Variants in METTL8 observed in about 807,000 individuals in gnomAD.
METTL8 encodes methyltransferase 8, tRNA N3-cytidine, also known as tRNA N(3)-cytidine methyltransferase METTL8, mitochondrial.
METTL8 carries 32 observed loss-of-function variants against 48.7 expected under a neutral mutation model. The ratio of observed to expected loss-of-function variants is 0.66; its 90% CI spans 0.50 to 0.88. The LOEUF (loss-of-function observed/expected upper bound fraction) is 0.88, where lower values mean the gene tolerates loss of function less well. Ranked by LOEUF, METTL8 falls within the 40% of genes least tolerant of loss-of-function variation. The pLI, the probability that METTL8 is intolerant of heterozygous loss-of-function variation, is 0.00. For synonymous variants in METTL8, 136 were observed against 157.1 expected, an observed-to-expected ratio of 0.87 and a Z score of 1.01; for missense variants, 464 against 474.4, an observed-to-expected ratio of 0.98 and a Z score of 0.20.
At chr2:171,382,848 G>A (rs1687700347) in intron 2 of METTL8, among the ~76,000 whole-genome samples, 1 of 152,140 alleles carries the variant, frequency 6.6e-6, no homozygotes, top group Non-Finnish European at 1.5e-5. Context: ...TGAGGTGGGT[G>A]GATCACCCGA....
At chr2:171,344,243 C>T (rs1056098718) in intron 3 of METTL8, among the ~76,000 whole-genome samples, 5 of 152,108 alleles carry the variant, frequency 3.3e-5, no homozygotes, top group Admixed American at 1.3e-4. Context: ...TTTATTATTC[C>T]AATTTGCAGA....
chr2:171,424,132 C>T (rs1260255176), intron 1 of METTL8, among the ~76,000 whole-genome samples: 1 of 152,188 alleles, frequency 6.6e-6, no homozygotes, highest in African/African-American at 2.4e-5. Flanking sequence ...TGCGGGTGCA[C>T]AGAAGTCAAG....
chr2:171,351,738 G>T (rs1341730821), intron 3 of METTL8, among the ~76,000 whole-genome samples: 1 of 152,166 alleles, frequency 6.6e-6, no homozygotes, highest in African/African-American at 2.4e-5. Context: ...GTGAATGGGA[G>T]TTCACTCATG....
intron 2 of METTL8, among the ~76,000 whole-genome samples, chr2:171,368,690 G>A (rs1685970713): frequency 6.6e-6 from 1 of 151,898 alleles, no homozygotes. Context: ...TATAAATCAT[G>A]CCTAGGTAAA....
chr2:171,354,764 T>C (rs1265120375), intron 3 of METTL8, among the ~76,000 whole-genome samples: 1 of 152,270 alleles, frequency 6.6e-6, no homozygotes, highest in African/African-American at 2.4e-5. Flanking sequence ...CTACTGAAGC[T>C]TGTACATGCG....
intron 5 of METTL8, among the ~76,000 whole-genome samples, chr2:171,333,186 C>G (rs1685731869): frequency 6.6e-6 from 1 of 151,732 alleles, no homozygotes. Flanking sequence ...GCAGTCTCCG[C>G]CTCCTGGGTT....
chr2:171,419,675 T>C (rs1691682409), intron 1 of METTL8, among the ~76,000 whole-genome samples: 1 of 152,186 alleles, frequency 6.6e-6, no homozygotes, highest in Non-Finnish European at 1.5e-5. Context: ...AGTGAGGTTA[T>C]TGCATACATT....
intron 2 of METTL8, among the ~76,000 whole-genome samples, chr2:171,379,677 G>A (rs1187541886): frequency 6.6e-5 from 10 of 151,946 alleles, no homozygotes; most frequent in Non-Finnish European, 1.3e-4. Flanking sequence ...TCCTGGACAC[G>A]TACACCCTCC....
In METTL8 at chr2:171,347,513, T is replaced by C. The variant is rs116935586; in HGVS notation, c.236-7959A>G. On this transcript the variant is annotated intron_variant, in intron 3 of 9. Transcript: ENST00000375258. Reference sequence around the variant, plus strand: ...ACTGCTCATCTATTTATGTTCTAAATGGAAATATTCAAAATAGGGCAAAAA... The same window carrying C: ...ACTGCTCATCTATTTATGTTCTAAACGGAAATATTCAAAATAGGGCAAAAA... Among the ~76,000 whole-genome samples, 292 of 152,338 alleles carry C rather than the reference T, an allele frequency of 1.9e-3. 7 individuals are homozygous for C. The East Asian group carries it at 0.029, about 15-fold the overall frequency.
chr2:171,433,533 G>A (rs1693393396), intron 1 of METTL8, among the ~76,000 whole-genome samples: 1 of 152,156 alleles, frequency 6.6e-6, no homozygotes, highest in African/African-American at 2.4e-5. Flanking sequence ...TTAGTGTGCT[G>A]GGAACTTTGA....
rs1030540916 is a variant in METTL8, at chr2:171,335,138, A to G, written c.656+2315T>C. Among the ~76,000 whole-genome samples, 5 of 152,328 alleles carry G rather than the reference A, an allele frequency of 3.3e-5. No homozygotes were observed. The East Asian group carries it at 9.6e-4, about 29-fold the overall frequency. ...CCCAGAAACTAGAAAAAGGAAAACAAAACTAACAAAGACACAAACAGAAAG... is the reference window on the plus strand; with the variant it reads ...CCCAGAAACTAGAAAAAGGAAAACAGAACTAACAAAGACACAAACAGAAAG... On this transcript the variant is annotated intron_variant, in intron 5 of 9. Coordinates refer to ENST00000375258, the MANE Select transcript of METTL8 (RefSeq NM_001321154.2).
Position 171,388,212 on chromosome 2 carries a change from G to A in METTL8, c.143+3831C>T, listed in dbSNP as rs556634518. On this transcript the variant is annotated intron_variant, in intron 2 of 9. Transcript: ENST00000375258. The stretch of plus-strand genomic sequence containing the variant: ...CAAATTCTGTTTATTCTTCTGTCAC[G>A]ATCTCTTGCTCACTGGCCCTTTTCT... Among the ~76,000 whole-genome samples the A allele has an allele frequency of 3.3e-5, 5 of 152,140 alleles. No homozygotes were observed. In the East Asian group the frequency reaches 9.6e-4, roughly 29 times the overall value.
intron 1 of METTL8, among the ~76,000 whole-genome samples, chr2:171,424,114 A>G (rs1377008355): frequency 2.0e-5 from 3 of 152,158 alleles, no homozygotes; most frequent in Non-Finnish European, 2.9e-5. Flanking sequence ...TCCACGTGTT[A>G]TTGGGCCTGC....
intron 1 of METTL8, among the ~76,000 whole-genome samples, chr2:171,407,326 G>A (rs1467159161): frequency 6.6e-6 from 1 of 151,800 alleles, no homozygotes; most frequent in Non-Finnish European, 1.5e-5. Context: ...GGCAAGACCC[G>A]GACTCTAAAA....
upstream of METTL8, chr2:171,434,290 C>T (rs560219922): frequency 1.8e-4 from 103 of 583,240 alleles, no homozygotes; most frequent in African/African-American, 1.6e-3. Flanking sequence ...CGGCTCCGGC[C>T]GGCCGCGCGG....
chr2:171,397,138 C>A (rs1689148322), intron 1 of METTL8, among the ~76,000 whole-genome samples: 2 of 151,270 alleles, frequency 1.3e-5, no homozygotes, highest in African/African-American at 4.9e-5. Flanking sequence ...TCTATCTTCA[C>A]AAGCTAGAAA....
chr2:171,389,403 C>G (rs914356143), intron 2 of METTL8, among the ~76,000 whole-genome samples: 9 of 151,190 alleles, frequency 6.0e-5, no homozygotes, highest in African/African-American at 2.2e-4. Flanking sequence ...GCCTATAGTC[C>G]CAGCTACTTG....
At chr2:171,396,990 CTT>C (rs34793762) in intron 1 of METTL8, among the ~76,000 whole-genome samples, 34 of 138,330 alleles carry the variant, frequency 2.5e-4, no homozygotes, top group Admixed American at 2.9e-4. Flanking sequence ...CACCTGGCTA[CTT>C]TTTTTTTTTT....
At position 171,408,299 on chromosome 2, in the gene METTL8, T is replaced by TG. The variant is rs1211767200; in HGVS notation, c.-12-16103_-12-16102insC. On this transcript the variant is annotated intron_variant, in intron 1 of 9. Coordinates refer to ENST00000375258, the MANE Select transcript of METTL8 (RefSeq NM_001321154.2). ...CAGAGAATTCTACAGTTTTTTTGTTTTTTTTTTTTTTTGAGATGGAGTTTC... is the reference window on the plus strand; with the variant it reads ...CAGAGAATTCTACAGTTTTTTTGTTTGTTTTTTTTTTTTGAGATGGAGTTTC... Among the ~76,000 whole-genome samples the TG allele has an allele frequency of 1.4e-3, 210 of 150,942 alleles. 3 individuals are homozygous for TG. In the East Asian group the frequency reaches 0.015, roughly 11 times the overall value.
Sources: allele counts gnomAD v4.1 joint callset (sites outside exome capture counted in the v4.1 genomes callset), GRCh38; gene constraint gnomAD v4.1.1; transcripts MANE v1.5; gene names NCBI Gene and HGNC (gene_info 2026-07-23, HGNC 2026-07-21).